SNTA1: variants seen among roughly 807,000 people sequenced by gnomAD.
The protein encoded by SNTA1 is alpha-1-syntrophin.
Under a neutral mutation model 47.1 loss-of-function variants are expected in SNTA1, and 31 were observed. That is an observed-to-expected ratio of 0.66 (90% CI 0.49 to 0.89). The LOEUF is 0.89. SNTA1 is among the 40% of genes least tolerant of loss of function. The probability of loss-of-function intolerance (pLI) is 0.00; values close to 1 mark genes in which losing one functional copy is unlikely to be tolerated. For synonymous variants in SNTA1, 300 were observed against 313.6 expected, an observed-to-expected ratio of 0.96 and a Z score of 0.46; for missense variants, 575 against 693.0, an observed-to-expected ratio of 0.83 and a Z score of 1.91.
At chr20:33,431,210 G>A (rs563543226) in intron 2 of SNTA1, among the ~76,000 whole-genome samples, 8 of 152,076 alleles carry the variant, frequency 5.3e-5, no homozygotes, top group South Asian at 4.1e-4. Flanking sequence ...ACAGTGAGCC[G>A]TGATCATGCA....
Position 33,409,035 on chromosome 20 carries a change from C to T in SNTA1, c.1238-147G>A. On this transcript the variant is annotated intron_variant, in intron 6 of 7. Transcript: ENST00000217381. ...GTTTGTCGTGGCACCAGTACACCCA[C>T]CCTGCAGAGAGTCATCACCCCCACC... The T allele has an allele frequency of 5.5e-6, 4 of 721,382 alleles. No individual in the cohort carries two copies. In the South Asian group the frequency reaches 6.2e-5, roughly 11 times the overall value. 44.7% of individuals were successfully genotyped at this position (721,382 alleles called of 1,614,324 possible). A position where few individuals can be genotyped will look rare whatever the true frequency, so the allele number is the denominator to read the frequency against.
intron 2 of SNTA1, among the ~76,000 whole-genome samples, chr20:33,437,752 G>A (rs1301589278): frequency 6.6e-6 from 1 of 152,196 alleles, no homozygotes; most frequent in Non-Finnish European, 1.5e-5. Flanking sequence ...CCCCCACGGG[G>A]CTTCCAGAGC....
intron 1 of SNTA1, among the ~76,000 whole-genome samples, chr20:33,439,753 G>A (rs1281130393): frequency 6.6e-6 from 1 of 152,174 alleles, no homozygotes; most frequent in Non-Finnish European, 1.5e-5. Context: ...GGGAGGCCAA[G>A]GTGGTCGGAT....
intron 1 of SNTA1, among the ~76,000 whole-genome samples, chr20:33,441,668 A>C (rs986799974): frequency 1.1e-4 from 17 of 152,124 alleles, no homozygotes; most frequent in African/African-American, 3.9e-4. Flanking sequence ...AGGAGCCCAG[A>C]TTTGGATCCA....
At chr20:33,438,601 T>C (rs2093868373) in intron 2 of SNTA1, among the ~76,000 whole-genome samples, 1 of 152,222 alleles carries the variant, frequency 6.6e-6, no homozygotes. Context: ...TGTCCAGGGC[T>C]ACACAGCTAG....
intron 2 of SNTA1, among the ~76,000 whole-genome samples, chr20:33,434,360 T>G (rs1990381527): frequency 6.6e-6 from 1 of 152,006 alleles, no homozygotes; most frequent in Non-Finnish European, 1.5e-5. Flanking sequence ...CTATCTTGAG[T>G]GGAATGACCT....
chr20:33,423,138 C>T (rs1990074723), intron 2 of SNTA1, among the ~76,000 whole-genome samples: 1 of 152,178 alleles, frequency 6.6e-6, no homozygotes, highest in Non-Finnish European at 1.5e-5. Context: ...ACTGCCAGAT[C>T]CCCTGCTCGC....
chr20:33,410,758 T>C (rs1989720948), intron 5 of SNTA1, among the ~76,000 whole-genome samples: 1 of 152,188 alleles, frequency 6.6e-6, no homozygotes, highest in African/African-American at 2.4e-5. Flanking sequence ...TACCAGAAAT[T>C]ATACTTTTTA....
At chr20:33,433,263 C>CTTTTTTTTTTTTTTTTTTTTTTTT (rs1227520975) in intron 2 of SNTA1, among the ~76,000 whole-genome samples, 1 of 138,752 alleles carries the variant, frequency 7.2e-6, no homozygotes. Flanking sequence ...TCGGGTTTTT[C>CTTTTTTTTTTTTTTTTTTTTTTTT]TTTTTTCTTT....
chr20:33,416,812 G>A (rs1435899580), intron 3 of SNTA1, among the ~76,000 whole-genome samples: 1 of 151,756 alleles, frequency 6.6e-6, no homozygotes. Context: ...ATGGTGGCAG[G>A]CGCCCGTAAT....
At chr20:33,434,590 A>C (rs1253642233) in intron 2 of SNTA1, among the ~76,000 whole-genome samples, 2 of 152,192 alleles carry the variant, frequency 1.3e-5, no homozygotes, top group Admixed American at 6.6e-5. Flanking sequence ...CTGCATCTGT[A>C]GTAGACATTG....
At chr20:33,415,888 CACCTG>C (rs1989862420) in intron 3 of SNTA1, among the ~76,000 whole-genome samples, 1 of 151,916 alleles carries the variant, frequency 6.6e-6, no homozygotes, top group South Asian at 2.1e-4. Flanking sequence ...GTGGGCGGAT[CACCTG>C]AGGTCAGGAG....
intron 1 of SNTA1, 38 bp from the exon 2 acceptor site, chr20:33,439,064 T>G: frequency 6.4e-7 from 1 of 1,567,684 alleles, no homozygotes; most frequent in South Asian, 1.1e-5. Context: ...CTTAGGCAGA[T>G]ACTCCAACAC....
intron 2 of SNTA1, among the ~76,000 whole-genome samples, chr20:33,435,190 C>A (rs1990412194): frequency 6.7e-6 from 1 of 149,000 alleles, no homozygotes; most frequent in Non-Finnish European, 1.5e-5. Flanking sequence ...CGGGGTTTCG[C>A]CATGTTGGCC....
At position 33,412,403 on chromosome 20, in the gene SNTA1, G is replaced by A. The variant is rs760108670; in HGVS notation, c.933C>T (p.Pro311=). ...TEQLPSGGTA[P]TLALLTEKEL... is the part of the protein sequence containing the mutation. ...CCTTTTCAGTTAGCAGGGCCAGGGT[G>A]GGGGCTGTGCCCCCACTGGGCAGCT... The change falls in exon 5 of 8, where the codon CCC becomes CCT. Residue 311 remains proline (P), a synonymous_variant. Coordinates refer to ENST00000217381, the MANE Select transcript of SNTA1 (RefSeq NM_003098.3). 4 of 1,611,070 alleles carry A rather than the reference G, an allele frequency of 2.5e-6. No individual in the cohort carries two copies. Among genetic ancestry groups the A allele is most frequent in the Admixed American group, 1.7e-5 (1 of 59,500 alleles).
chr20:33,429,668 G>C (rs1364969300), intron 2 of SNTA1, among the ~76,000 whole-genome samples: 1 of 152,010 alleles, frequency 6.6e-6, no homozygotes, highest in Non-Finnish European at 1.5e-5. Context: ...TTGTAGAGAC[G>C]AGGCCTTGCC....
Position 33,443,365 on chromosome 20 carries a change from G to T in SNTA1, c.256C>A (p.Arg86Ser). Residue 86 changes from arginine (R) to serine (S), a missense_variant, in exon 1 of 8, where the codon CGC becomes AGC. Physicochemically the swap from Arg to Ser is moderately radical, Grantham distance 110 (BLOSUM62 -1). Transcript: ENST00000217381. ...QLPEALLLQR[R>S]RVTVRKADAG... ...TCGGCCTTGCGCACCGTCACGCGGCGCCGCTGGAGCAGTAGCGCCTCTGGC... is the reference window on the plus strand; with the variant it reads ...TCGGCCTTGCGCACCGTCACGCGGCTCCGCTGGAGCAGTAGCGCCTCTGGC... 6.9e-7 allele frequency: 1 copy of T among 1,455,304 alleles called. No homozygotes were observed. The allele number at this position is 1,455,304 out of a possible 1,614,324, so 90.1% of individuals were successfully genotyped here.
chr20:33,443,194 C>T, intron 1 of SNTA1, 117 bp downstream of exon 1: 3 of 741,100 alleles, frequency 4.0e-6, no homozygotes, highest in South Asian at 4.5e-5. Flanking sequence ...TCCTCAGACC[C>T]CCCTTACCCC....
rs1221002090 is a variant in SNTA1 at position 33,443,570 on chromosome 20, G to A, written c.51C>T (p.Ala17=). Residue 17 remains alanine (A), a synonymous_variant, in exon 1 of 8, where the codon GCC becomes GCT. Transcript: ENST00000217381. ...APRTGLLELR[A]GAGSGAGGER... is the part of the protein sequence containing the mutation. The stretch of plus-strand genomic sequence containing the variant: ...CGCCGCCGGCCCCCGAGCCCGCCCC[G>A]GCGCGCAGCTCCAGCAGCCCGGTGC... 4.5e-6 allele frequency: 6 copies of A among 1,321,142 alleles called. No individual in the cohort carries two copies. Among genetic ancestry groups the A allele is most frequent in the South Asian group, 1.8e-5 (1 of 54,958 alleles). 81.8% of individuals were successfully genotyped at this position (1,321,142 alleles called of 1,614,324 possible).
Sources: allele counts gnomAD v4.1 joint callset (sites outside exome capture counted in the v4.1 genomes callset), GRCh38; gene constraint gnomAD v4.1.1; transcripts MANE v1.5; gene names NCBI Gene and HGNC (gene_info 2026-07-23, HGNC 2026-07-21).